EYS: variants seen among roughly 807,000 people sequenced by gnomAD.
The protein encoded by EYS is EGF-like photoreceptor maintenance factor, also known as protein eyes shut homolog.
EYS carries 250 observed loss-of-function variants against 282.1 expected under a neutral mutation model. The observed-to-expected ratio is 0.89, with a 90% CI of 0.80 to 0.98. The LOEUF (loss-of-function observed/expected upper bound fraction) is 0.98. Ranked by LOEUF, EYS falls within the 50% of genes least tolerant of loss-of-function variation. The probability of loss-of-function intolerance (pLI) is 0.00; values close to 1 mark genes in which losing one functional copy is unlikely to be tolerated. For missense variants in EYS, 4,016 were observed against 3,709.0 expected (o/e 1.08, Z -2.15); for synonymous variants, 1,355 against 1,282.9 (o/e 1.06, Z -1.20).
intron 2 of EYS, among the ~76,000 whole-genome samples, chr6:65,502,385 A>G (rs921161525): frequency 6.6e-6 from 1 of 151,718 alleles, no homozygotes; most frequent in Non-Finnish European, 1.5e-5. Context: ...TTTTAAATAC[A>G]TATTTTGTTA....
At chr6:63,755,435 G>A (rs1398561900) in intron 41 of EYS, among the ~76,000 whole-genome samples, 1 of 152,134 alleles carries the variant, frequency 6.6e-6, no homozygotes, top group Non-Finnish European at 1.5e-5. Flanking sequence ...AGATCAGATG[G>A]CTGTAGATGT....
chr6:63,847,242 A>G (rs1772123163), intron 36 of EYS, among the ~76,000 whole-genome samples: 1 of 152,226 alleles, frequency 6.6e-6, no homozygotes, highest in Non-Finnish European at 1.5e-5. Flanking sequence ...TAAACAAAGG[A>G]AGGCGTGTGG....
At chr6:65,108,672 A>G (rs1775116752) in intron 12 of EYS, among the ~76,000 whole-genome samples, 1 of 152,098 alleles carries the variant, frequency 6.6e-6, no homozygotes, top group Admixed American at 6.6e-5. Flanking sequence ...GTTTCTCAGC[A>G]TGATTCCTTT....
At chr6:64,346,143 G>A (rs533418053) in intron 29 of EYS, among the ~76,000 whole-genome samples, 24 of 152,222 alleles carry the variant, frequency 1.6e-4, no homozygotes, top group African/African-American at 5.8e-4. Flanking sequence ...AGTCAGTGTG[G>A]TGGTTCCTCA....
At chr6:65,493,703 C>G (rs1328083281) in intron 4 of EYS, among the ~76,000 whole-genome samples, 1 of 152,142 alleles carries the variant, frequency 6.6e-6, no homozygotes, top group Non-Finnish European at 1.5e-5. Flanking sequence ...TGCCTTTCCT[C>G]TGGCTTAATT....
chr6:64,870,447 G>T (rs1316508112), intron 19 of EYS, among the ~76,000 whole-genome samples: 1 of 53,836 alleles, frequency 1.9e-5, no homozygotes, highest in African/African-American at 8.0e-5. Flanking sequence ...AAAACAAAAA[G>T]CTGGGAAGTG....
intron 5 of EYS, among the ~76,000 whole-genome samples, chr6:65,406,334 T>C (rs1340329815): frequency 6.6e-6 from 1 of 152,148 alleles, no homozygotes; most frequent in African/African-American, 2.4e-5. Flanking sequence ...AAAAGTCCTT[T>C]ATGATATACG....
At chr6:64,632,392 G>A (rs1257950581) in intron 22 of EYS, among the ~76,000 whole-genome samples, 1 of 151,938 alleles carries the variant, frequency 6.6e-6, no homozygotes, top group Non-Finnish European at 1.5e-5. Flanking sequence ...CCTCCAGTTA[G>A]AAATCTACAC....
chr6:64,416,518 C>CTTTTTT (rs371267333), intron 28 of EYS, among the ~76,000 whole-genome samples: 2 of 139,824 alleles, frequency 1.4e-5, no homozygotes, highest in Non-Finnish European at 3.1e-5. Context: ...GCCGTTAGGT[C>CTTTTTT]TTTTTTTTTT....
At chr6:64,859,282 T>C (rs942336699) in intron 19 of EYS, among the ~76,000 whole-genome samples, 2 of 148,710 alleles carry the variant, frequency 1.3e-5, no homozygotes, top group African/African-American at 4.9e-5. Context: ...AATAGATTTA[T>C]ATTTATAAGA....
chr6:65,348,149 T>C (rs1237891383), intron 9 of EYS, among the ~76,000 whole-genome samples: 2 of 151,894 alleles, frequency 1.3e-5, no homozygotes, highest in South Asian at 2.1e-4. Flanking sequence ...GACACCCAGG[T>C]TGCTTCAAAA....
At chr6:64,349,033 C>A (rs1051770043) in intron 29 of EYS, among the ~76,000 whole-genome samples, 1 of 151,224 alleles carries the variant, frequency 6.6e-6, no homozygotes, top group African/African-American at 2.4e-5. Flanking sequence ...ATACAGTATT[C>A]CATGTCTTGT....
chr6:64,655,766 A>C (rs2149882163), intron 22 of EYS, among the ~76,000 whole-genome samples: 1 of 152,228 alleles, frequency 6.6e-6, no homozygotes, highest in Non-Finnish European at 1.5e-5. Context: ...ATTGGTATCT[A>C]TCATACAGCT....
chr6:65,108,397 A>C (rs768406283), intron 12 of EYS, among the ~76,000 whole-genome samples: 1 of 152,144 alleles, frequency 6.6e-6, no homozygotes, highest in Non-Finnish European at 1.5e-5. Context: ...TCTTGGGTTC[A>C]GGTGAGTTTC....
At chr6:64,545,352 G>A (rs1009780303) in intron 26 of EYS, among the ~76,000 whole-genome samples, 2 of 152,060 alleles carry the variant, frequency 1.3e-5, no homozygotes, top group African/African-American at 4.8e-5. Flanking sequence ...AATAAATTAG[G>A]TATTGATGGG....
rs200462583 is a variant in EYS at position 64,032,021 on chromosome 6, GC to G, written c.6726-32839del. 1.6e-3 allele frequency among the ~76,000 whole-genome samples: 246 copies of G among 152,190 alleles called. 2 individuals are homozygous for G. The East Asian group carries it at 0.036, about 22-fold the overall frequency. Reference sequence around the variant, plus strand: ...CTTTGGGTCCACACTGCCTTTATGAGCTTTAACACTCACCACGAAGGTCTGC... The same window carrying G: ...CTTTGGGTCCACACTGCCTTTATGAGTTTAACACTCACCACGAAGGTCTGC... On this transcript the variant is annotated intron_variant, in intron 33 of 42. Transcript: ENST00000503581.
intron 12 of EYS, among the ~76,000 whole-genome samples, chr6:65,091,955 C>A: frequency 6.6e-6 from 1 of 152,154 alleles, no homozygotes; most frequent in South Asian, 2.1e-4. Flanking sequence ...AGCTACCCGC[C>A]ACCCATCTAC....
Position 64,698,453 on chromosome 6 carries a change from G to T in EYS, c.3444-72208C>A, listed in dbSNP as rs530124854. On this transcript the variant is annotated intron_variant, in intron 22 of 42. Coordinates refer to ENST00000503581, the MANE Select transcript of EYS (RefSeq NM_001142800.2). ...GACTAACCAAGAAAAGAAGAGGGAAGATTTAACAACAAAAGCAAAAATGGA... is the reference window on the plus strand; with the variant it reads ...GACTAACCAAGAAAAGAAGAGGGAATATTTAACAACAAAAGCAAAAATGGA... Among the ~76,000 whole-genome samples, 15 of 152,072 alleles carry T rather than the reference G, an allele frequency of 9.9e-5. No individual in the cohort carries two copies. The South Asian group carries it at 3.1e-3, about 32-fold the overall frequency.
chr6:64,208,680 A>G (rs1765679037), intron 31 of EYS, among the ~76,000 whole-genome samples: 1 of 152,172 alleles, frequency 6.6e-6, no homozygotes, highest in Non-Finnish European at 1.5e-5. Context: ...TTGGGTTACA[A>G]GTATATTTAT....
Sources: allele counts gnomAD v4.1 joint callset (sites outside exome capture counted in the v4.1 genomes callset), GRCh38; gene constraint gnomAD v4.1.1; transcripts MANE v1.5; gene names NCBI Gene and HGNC (gene_info 2026-07-23, HGNC 2026-07-21).